Variants in KPNA1 observed in about 807,000 individuals in gnomAD.
KPNA1 encodes the protein karyopherin subunit alpha 1.
KPNA1 carries 10 observed loss-of-function variants against 70.5 expected under a neutral mutation model. That is an observed-to-expected ratio of 0.14 (90% CI 0.09 to 0.24). KPNA1 has a LOEUF of 0.24. Ranked by LOEUF, KPNA1 falls within the 10% of genes least tolerant of loss-of-function variation. The probability of loss-of-function intolerance (pLI) is 1.00; values close to 1 mark genes in which losing one functional copy is unlikely to be tolerated. For missense variants in KPNA1, 397 were observed against 637.9 expected (o/e 0.62, Z 4.07); for synonymous variants, 192 against 221.9 (o/e 0.87, Z 1.20).
intron 1 of KPNA1, among the ~76,000 whole-genome samples, chr3:122,497,982 C>T (rs2076783285): frequency 6.6e-6 from 1 of 152,200 alleles, no homozygotes; most frequent in Non-Finnish European, 1.5e-5. Context: ...GAATCCTTAA[C>T]CTTGTGTTTC....
At chr3:122,427,778 G>C (rs1293568658) in intron 12 of KPNA1, 62 bp from the exon 13 acceptor site, 1 of 1,143,104 alleles carries the variant, frequency 8.7e-7, no homozygotes, top group Non-Finnish European at 1.2e-6. Context: ...TATGAAATTA[G>C]TGAGCAAGTC....
chr3:122,477,360 G>A (rs868835670), intron 2 of KPNA1, among the ~76,000 whole-genome samples: 13 of 152,234 alleles, frequency 8.5e-5, no homozygotes, highest in Middle Eastern at 6.8e-3. Context: ...TGTACAACAT[G>A]GTGACTATAG....
At chr3:122,484,141 CTG>C (rs766309069) in intron 2 of KPNA1, among the ~76,000 whole-genome samples, 17 of 152,108 alleles carry the variant, frequency 1.1e-4, no homozygotes, top group Non-Finnish European at 1.8e-4. Flanking sequence ...TGCTATTAAA[CTG>C]TGAATTGGTG....
At chr3:122,452,584 A>AGGAG (rs1192652542) in intron 6 of KPNA1, among the ~76,000 whole-genome samples, 13 of 57,062 alleles carry the variant, frequency 2.3e-4, no homozygotes, top group Non-Finnish European at 2.4e-4. Context: ...GAAGGAAGGA[A>AGGAG]GGAAGGAAGG....
intron 2 of KPNA1, among the ~76,000 whole-genome samples, chr3:122,484,507 A>G (rs768053826): frequency 2.6e-5 from 4 of 152,086 alleles, no homozygotes; most frequent in Non-Finnish European, 5.9e-5. Flanking sequence ...ATTAGCTGGC[A>G]TGGTGGTGGG....
intron 9 of KPNA1, among the ~76,000 whole-genome samples, chr3:122,448,126 T>G (rs530964127): frequency 6.6e-6 from 1 of 151,994 alleles, no homozygotes; most frequent in Non-Finnish European, 1.5e-5. Flanking sequence ...TGTGGAGAAA[T>G]AGGAACACTC....
chr3:122,467,452 C>CAATGTA (rs753952044), intron 2 of KPNA1, 23 bp from the exon 3 acceptor site: 3 of 1,465,878 alleles, frequency 2.0e-6, no homozygotes. Flanking sequence ...AGATTGGTAG[C>CAATGTA]AATGTAAATG....
chr3:122,486,297 T>C (rs1220675506), intron 2 of KPNA1, among the ~76,000 whole-genome samples: 4 of 152,186 alleles, frequency 2.6e-5, no homozygotes, highest in Non-Finnish European at 5.9e-5. Context: ...AATTATAAAA[T>C]GGAATGAACA....
chr3:122,508,455 C>T (rs2076915824), intron 1 of KPNA1, among the ~76,000 whole-genome samples: 1 of 152,194 alleles, frequency 6.6e-6, no homozygotes, highest in Non-Finnish European at 1.5e-5. Context: ...TTTCCTCCTC[C>T]ACTCTTCACA....
intron 2 of KPNA1, 95 bp downstream of exon 2, chr3:122,496,342 A>ACC: frequency 8.8e-7 from 1 of 1,135,376 alleles, no homozygotes; most frequent in South Asian, 1.4e-5. Flanking sequence ...ACACACACAC[A>ACC]CACACACCCC....
intron 2 of KPNA1, among the ~76,000 whole-genome samples, chr3:122,493,175 G>GA (rs2076718794): frequency 6.6e-6 from 1 of 152,016 alleles, no homozygotes; most frequent in Non-Finnish European, 1.5e-5. Flanking sequence ...ATTCACAACA[G>GA]GATTAAAACA....
At chr3:122,511,662 A>G (rs1281522454) in intron 1 of KPNA1, among the ~76,000 whole-genome samples, 1 of 152,250 alleles carries the variant, frequency 6.6e-6, no homozygotes, top group Admixed American at 6.5e-5. Flanking sequence ...AGCCCAAATC[A>G]GCTAATTTAA....
intron 2 of KPNA1, among the ~76,000 whole-genome samples, chr3:122,486,736 G>A (rs1233487492): frequency 6.6e-6 from 1 of 151,964 alleles, no homozygotes; most frequent in Non-Finnish European, 1.5e-5. Flanking sequence ...TACAGGCACC[G>A]CCACCACGCC....
chr3:122,509,295 G>A (rs1340201887), intron 1 of KPNA1, among the ~76,000 whole-genome samples: 1 of 151,276 alleles, frequency 6.6e-6, no homozygotes, highest in African/African-American at 2.4e-5. Context: ...AAACATGTGA[G>A]CAAAAAAGAA....
At chr3:122,476,463 CA>C (rs1003481691) in intron 2 of KPNA1, among the ~76,000 whole-genome samples, 24 of 152,034 alleles carry the variant, frequency 1.6e-4, no homozygotes, top group Admixed American at 2.0e-4. Flanking sequence ...GCAGAGGAAT[CA>C]AAAGAGTGAA....
intron 9 of KPNA1, chr3:122,442,709 C>T (rs2076080156): frequency 6.6e-6 from 1 of 152,160 alleles, no homozygotes; most frequent in Non-Finnish European, 1.5e-5. Context: ...AAGTCACTAT[C>T]TTTTGATTTT....
At chr3:122,487,222 A>G (rs528053557) in intron 2 of KPNA1, among the ~76,000 whole-genome samples, 2 of 152,334 alleles carry the variant, frequency 1.3e-5, no homozygotes, top group Non-Finnish European at 2.9e-5. Context: ...AAAACACCAG[A>G]CATTTCTCCA....
intron 10 of KPNA1, among the ~76,000 whole-genome samples, chr3:122,437,647 T>C (rs1390124037): frequency 5.3e-5 from 8 of 152,204 alleles, no homozygotes; most frequent in African/African-American, 1.4e-4. Flanking sequence ...CTCAGATTTG[T>C]AGGTCCTCTG....
intron 2 of KPNA1, among the ~76,000 whole-genome samples, chr3:122,468,083 C>T (rs1044927439): frequency 1.3e-5 from 2 of 152,166 alleles, no homozygotes; most frequent in Non-Finnish European, 2.9e-5. Flanking sequence ...CCCTCTCTCA[C>T]GCTGAACAAC....
Sources: allele counts gnomAD v4.1 joint callset (sites outside exome capture counted in the v4.1 genomes callset), GRCh38; gene constraint gnomAD v4.1.1; transcripts MANE v1.5; gene names NCBI Gene and HGNC (gene_info 2026-07-23, HGNC 2026-07-21).